The following ANKRD6 variants were observed in gnomAD, a reference collection of about 807,000 sequenced individuals.
The protein encoded by ANKRD6 is ankyrin repeat domain 6.
A neutral mutation model predicts 82.3 loss-of-function variants in ANKRD6; 56 were observed. That is an observed-to-expected ratio of 0.68 (90% CI 0.55 to 0.85). The LOEUF (loss-of-function observed/expected upper bound fraction) is 0.85. Among genes scored for constraint, ANKRD6 ranks in the 40% least tolerant of loss-of-function variants. The pLI is 0.00. For synonymous variants in ANKRD6, 347 were observed against 352.1 expected, an observed-to-expected ratio of 0.99 and a Z score of 0.16; for missense variants, 852 against 907.6, an observed-to-expected ratio of 0.94 and a Z score of 0.79.
chr6:89,494,079 G>A (rs1778328682), intron 1 of ANKRD6, among the ~76,000 whole-genome samples: 1 of 152,124 alleles, frequency 6.6e-6, no homozygotes, highest in African/African-American at 2.4e-5. Context: ...AGGACCAGGT[G>A]TGGTAGCAGG....
At chr6:89,454,255 A>G (rs1377835021) in intron 1 of ANKRD6, among the ~76,000 whole-genome samples, 1 of 152,132 alleles carries the variant, frequency 6.6e-6, no homozygotes, top group East Asian at 1.9e-4. Flanking sequence ...TGACATTCCC[A>G]TGGTCAGCTA....
At chr6:89,557,143 G>T (rs2128043160) in intron 1 of ANKRD6, among the ~76,000 whole-genome samples, 1 of 152,294 alleles carries the variant, frequency 6.6e-6, no homozygotes, top group Non-Finnish European at 1.5e-5. Context: ...ATGGTGATTT[G>T]GTTGTGAATA....
intron 1 of ANKRD6, among the ~76,000 whole-genome samples, chr6:89,466,463 T>C (rs1774861180): frequency 6.6e-6 from 1 of 152,226 alleles, no homozygotes; most frequent in South Asian, 2.1e-4. Context: ...CTTGCCTTTT[T>C]GTCAGTATTG....
At chr6:89,555,660 G>A (rs1162533882) in intron 1 of ANKRD6, among the ~76,000 whole-genome samples, 2 of 152,152 alleles carry the variant, frequency 1.3e-5, no homozygotes, top group East Asian at 1.9e-4. Context: ...AAATGACATG[G>A]TGGGGCTTTC....
Position 89,624,072 on chromosome 6 carries a change from G to A in ANKRD6, c.1218+15G>A, listed in dbSNP as rs758035426. 1 of 1,592,648 alleles carries A rather than the reference G, an allele frequency of 6.3e-7. No homozygotes were observed. Among genetic ancestry groups the A allele is most frequent in the South Asian group, 1.1e-5 (1 of 89,090 alleles). The stretch of plus-strand genomic sequence containing the variant: ...AAGTGATGCAGGTACCTGCAAAGCA[G>A]TGTCAGGAGAAGGGAACATAGGCCT... On this transcript the variant is annotated intron_variant, in intron 12 of 15. Coordinates refer to ENST00000339746, the MANE Select transcript of ANKRD6 (RefSeq NM_001242809.2).
At chr6:89,503,792 G>A (rs143872233) in intron 1 of ANKRD6, among the ~76,000 whole-genome samples, 22 of 152,310 alleles carry the variant, frequency 1.4e-4, no homozygotes, top group African/African-American at 4.8e-4. Flanking sequence ...TAAGGGAGAA[G>A]CCTGTTTCAC....
At chr6:89,515,474 T>C (rs1781091758) in intron 1 of ANKRD6, among the ~76,000 whole-genome samples, 1 of 152,250 alleles carries the variant, frequency 6.6e-6, no homozygotes, top group Non-Finnish European at 1.5e-5. Context: ...TGAGCTTTTC[T>C]GGTTGTTACT....
chr6:89,502,148 T>A (rs900366492), intron 1 of ANKRD6, among the ~76,000 whole-genome samples: 32 of 152,222 alleles, frequency 2.1e-4, no homozygotes, highest in Admixed American at 2.1e-3. Flanking sequence ...ACCATGTTTC[T>A]TCATAGCAAC....
rs1582764830 is a variant in ANKRD6, at chr6:89,468,226, G to A, written c.-144+34851G>A. On this transcript the variant is annotated intron_variant, in intron 1 of 15. Coordinates refer to ENST00000339746, the MANE Select transcript of ANKRD6 (RefSeq NM_001242809.2). ...ATTTTACCTAATAAATGATAATGAGGCTATTTATCTTGTCTGTCTGGATTT... is the reference window on the plus strand; with the variant it reads ...ATTTTACCTAATAAATGATAATGAGACTATTTATCTTGTCTGTCTGGATTT... 3.9e-5 allele frequency among the ~76,000 whole-genome samples: 6 copies of A among 152,080 alleles called. No individual in the cohort carries two copies. In the South Asian group the frequency reaches 1.0e-3, roughly 26 times the overall value.
chr6:89,453,245 GTGAC>G (rs1436674431), intron 1 of ANKRD6, among the ~76,000 whole-genome samples: 9 of 152,282 alleles, frequency 5.9e-5, no homozygotes, highest in East Asian at 1.9e-4. Flanking sequence ...GGGAAAAATT[GTGAC>G]TGACTGTTCT....
At chr6:89,623,737 G>C (rs1191152876) in intron 11 of ANKRD6, 135 bp from the exon 12 acceptor site, 45 of 1,249,960 alleles carry the variant, frequency 3.6e-5, no homozygotes, top group Non-Finnish European at 4.6e-5. Flanking sequence ...TGACATGTGT[G>C]GCTTGGAGTA....
At chr6:89,582,997 T>G (rs1792913481) in intron 2 of ANKRD6, among the ~76,000 whole-genome samples, 2 of 152,228 alleles carry the variant, frequency 1.3e-5, no homozygotes, top group Non-Finnish European at 2.9e-5. Flanking sequence ...AGTCAGTGGT[T>G]CTCAGTATTG....
chr6:89,559,583 T>G (rs1199429545), intron 1 of ANKRD6, among the ~76,000 whole-genome samples: 2 of 152,196 alleles, frequency 1.3e-5, no homozygotes, highest in Admixed American at 6.5e-5. Context: ...GTACATAGAA[T>G]TGGTTTTATT....
chr6:89,512,533 C>T (rs1027906157), intron 1 of ANKRD6, among the ~76,000 whole-genome samples: 20 of 152,184 alleles, frequency 1.3e-4, no homozygotes, highest in African/African-American at 4.8e-4. Context: ...CTGTCACTGG[C>T]AGCCAGCTGT....
intron 2 of ANKRD6, among the ~76,000 whole-genome samples, chr6:89,582,493 GTCTTAA>G: frequency 6.6e-6 from 1 of 152,130 alleles, no homozygotes; most frequent in South Asian, 2.1e-4. Context: ...GCCCAGCCCC[GTCTTAA>G]TTATTTTCAA....
chr6:89,568,354 A>G (rs1377449950), intron 2 of ANKRD6: 4 of 152,240 alleles, frequency 2.6e-5, no homozygotes, highest in East Asian at 1.9e-4. Flanking sequence ...CAGAATTGTT[A>G]TAAGAACAAT....
At chr6:89,600,771 C>T (rs1016687406) in intron 3 of ANKRD6, among the ~76,000 whole-genome samples, 10 of 151,998 alleles carry the variant, frequency 6.6e-5, no homozygotes, top group African/African-American at 1.9e-4. Context: ...CACGGTGGCT[C>T]GCGCCTGTAA....
At chr6:89,602,095 C>T (rs1369450123) in intron 3 of ANKRD6, 1 of 152,292 alleles carries the variant, frequency 6.6e-6, no homozygotes, top group South Asian at 2.1e-4. Flanking sequence ...ACAGCCCAGG[C>T]CTCCTGACCC....
intron 1 of ANKRD6, among the ~76,000 whole-genome samples, chr6:89,508,456 A>G (rs1225032301): frequency 6.6e-6 from 1 of 152,232 alleles, no homozygotes; most frequent in Non-Finnish European, 1.5e-5. Context: ...CATCCCAGCC[A>G]GGGCACAGGT....
Sources: gnomAD v4.1 joint callset for allele counts (sites outside exome capture counted in the v4.1 genomes callset) on GRCh38, gnomAD v4.1.1 for gene constraint, MANE v1.5 for transcripts, NCBI Gene and HGNC (gene_info 2026-07-23, HGNC 2026-07-21) for gene names.